ILDR2: variants seen among roughly 807,000 people sequenced by gnomAD.
ILDR2 encodes immunoglobulin-like domain-containing receptor 2.
ILDR2 carries 25 observed loss-of-function variants against 66.8 expected under a neutral mutation model. The ratio of observed to expected loss-of-function variants is 0.37; its 90% CI spans 0.27 to 0.52. The LOEUF is 0.52. ILDR2 is among the 20% of genes least tolerant of loss of function. ILDR2 has a pLI of 0.88. For synonymous variants in ILDR2, 367 were observed against 357.2 expected (o/e 1.03, Z -0.31); for missense variants, 827 against 876.8 (o/e 0.94, Z 0.72).
At chr1:166,974,694 C>T (rs544520221) in intron 1 of ILDR2, among the ~76,000 whole-genome samples, 2 of 152,216 alleles carry the variant, frequency 1.3e-5, no homozygotes, top group South Asian at 4.1e-4. Context: ...TCCCAACCTC[C>T]AGTTCCTTGC....
At chr1:166,937,938 A>G (rs1245138830) in intron 4 of ILDR2, among the ~76,000 whole-genome samples, 1 of 152,226 alleles carries the variant, frequency 6.6e-6, no homozygotes, top group African/African-American at 2.4e-5. Context: ...TGATATTTTT[A>G]TTAAATAATG....
At chr1:166,946,083 T>C (rs758201856) in intron 3 of ILDR2, among the ~76,000 whole-genome samples, 64 of 152,198 alleles carry the variant, frequency 4.2e-4, no homozygotes, top group Non-Finnish European at 7.9e-4. Flanking sequence ...AACAGATGCC[T>C]TTCTCTGGCC....
chr1:166,906,840 G>C (rs888380608), downstream of ILDR2, among the ~76,000 whole-genome samples: 1 of 152,196 alleles, frequency 6.6e-6, no homozygotes, highest in African/African-American at 2.4e-5. Flanking sequence ...TGAGAGTTCA[G>C]ATGTACCCTC....
At chr1:166,898,890 T>C (rs1439751998) in intron 2 of ILDR2, among the ~76,000 whole-genome samples, 1 of 148,596 alleles carries the variant, frequency 6.7e-6, no homozygotes, top group Admixed American at 6.7e-5. Context: ...GAAGATCCCA[T>C]CTTAAAAAAA....
At position 166,921,224 on chromosome 1, in the gene ILDR2, C is replaced by T. The variant is rs768848399; in HGVS notation, c.1367G>A (p.Arg456His). The change falls in exon 9 of 10, where the codon CGC becomes CAC. Residue 456 changes from arginine (R) to histidine (H), a missense_variant. Transcript: ENST00000271417. This position sits in a 1 kb window ranked among gnomAD's most constrained non-coding sequence, Gnocchi z 5.3. ...GNSHEARGGS[R>H]FERSESRAHS... Reference sequence around the variant, plus strand: ...CGCCCGCGACTCCGAGCGCTCGAAGCGGCTCCCGCCCCGCGCCTCGTGACT... The same window carrying T: ...CGCCCGCGACTCCGAGCGCTCGAAGTGGCTCCCGCCCCGCGCCTCGTGACT... The T allele has an allele frequency of 1.1e-5, 18 of 1,591,784 alleles. No homozygotes were observed. In the African/African-American group the frequency reaches 1.9e-4, roughly 17 times the overall value.
intron 3 of ILDR2, among the ~76,000 whole-genome samples, chr1:166,949,816 AG>A (rs1446864414): frequency 6.6e-6 from 1 of 152,228 alleles, no homozygotes; most frequent in African/African-American, 2.4e-5. Context: ...CAAGACCAGC[AG>A]AGGCATCTAG....
rs1398887349 is a variant in ILDR2 at position 166,910,492 on chromosome 1, T to A, written c.*8863A>T. 2.0e-5 allele frequency: 3 copies of A among 152,226 alleles called. No homozygotes were observed. Among genetic ancestry groups the A allele is most frequent in the African/African-American group, 7.2e-5 (3 of 41,460 alleles). The allele number at this position is 152,226 out of a possible 1,614,324, so 9.4% of individuals were successfully genotyped here. A position where few individuals can be genotyped will look rare whatever the true frequency, so the allele number is the denominator to read the frequency against. On this transcript the variant is annotated 3_prime_UTR_variant, in exon 10 of 10. Coordinates refer to ENST00000271417, the MANE Select transcript of ILDR2 (RefSeq NM_199351.3). ...ATTCATATGTAGCTTTTCCCTTAAG[T>A]AATGTGAGGCACACCTCCATCCAAT...
intron 6 of ILDR2, among the ~76,000 whole-genome samples, chr1:166,934,584 C>T (rs925142273): frequency 4.6e-5 from 7 of 152,174 alleles, no homozygotes; most frequent in Non-Finnish European, 1.0e-4. Flanking sequence ...CACACCAAGC[C>T]CCAGATCTTC....
Position 166,909,748 on chromosome 1 carries a change from T to C in ILDR2, c.*9607A>G, listed in dbSNP as rs1659424584. Reference sequence around the variant, plus strand: ...GTGTGTATACATACATATATATATATATATATATATAAATATATATAAATA... The same window carrying C: ...GTGTGTATACATACATATATATATACATATATATATAAATATATATAAATA... On this transcript the variant is annotated 3_prime_UTR_variant, in exon 10 of 10. Transcript: ENST00000271417. 1 of 111,254 alleles carries C rather than the reference T, an allele frequency of 9.0e-6. No homozygotes were observed. Among genetic ancestry groups the C allele is most frequent in the South Asian group, 2.9e-4 (1 of 3,428 alleles). The allele number at this position is 111,254 out of a possible 1,614,324, so 6.9% of individuals were successfully genotyped here. A position where few individuals can be genotyped will look rare whatever the true frequency, so the allele number is the denominator to read the frequency against.
intron 9 of ILDR2, 47 bp downstream of exon 9, chr1:166,920,660 G>A (rs1659862209): frequency 1.5e-6 from 2 of 1,335,138 alleles, no homozygotes; most frequent in East Asian, 3.1e-5. Context: ...CTGCCTGGAG[G>A]CTCCCGCTCA....
rs779481297 is a variant in ILDR2 at position 166,921,275 on chromosome 1, T to C, written c.1316A>G (p.Gln439Arg). ...GTTGCCGTCTGCCCGGCGGGGCCGC[T>C]GGCCGTAGGAGTCAGCGAAGGCCGC... is the stretch of plus-strand genomic sequence containing the variant. ...ELAAFADSYGQRPRRADGNSH... is the reference protein window; with the variant it reads ...ELAAFADSYGRRPRRADGNSH... The change falls in exon 9 of 10, where the codon CAG becomes CGG. Residue 439 changes from glutamine to arginine, a missense_variant. This residue lies in a region of ILDR2 where 390 missense variants were observed against 353.6 expected (regional missense o/e 1.10). Transcript: ENST00000271417. This position sits in a 1 kb window ranked among gnomAD's most constrained non-coding sequence, Gnocchi z 5.3. 6.2e-7 allele frequency: 1 copy of C among 1,600,258 alleles called. No individual in the cohort carries two copies. Among genetic ancestry groups the C allele is most frequent in the African/African-American group, 1.3e-5 (1 of 74,740 alleles).
rs745660616 is a variant in ILDR2, at chr1:166,939,544, A to T, written c.526T>A (p.Leu176Met). Residue 176 changes from leucine to methionine, a missense_variant, in exon 4 of 10, where the codon TTG becomes ATG. Transcript: ENST00000271417. Reference sequence around the variant, plus strand: ...ATAATCTCCACAGCAAAACTGGGCAAGAGATCAGCAAGCAGCCCTGTCCTG... The same window carrying T: ...ATAATCTCCACAGCAAAACTGGGCATGAGATCAGCAAGCAGCCCTGTCCTG... ...LGRTGLLADL[L>M]PSFAVEIMPE... is the part of the protein sequence containing the mutation. 1 of 1,613,952 alleles carries T rather than the reference A, an allele frequency of 6.2e-7. No individual in the cohort carries two copies. Among genetic ancestry groups the T allele is most frequent in the East Asian group, 2.2e-5 (1 of 44,904 alleles).
At position 166,914,207 on chromosome 1, in the gene ILDR2, T is replaced by C. The variant is rs1197265865; in HGVS notation, c.*5148A>G. ...AGATTAGCATTTGAGGAATGAATGG[T>C]GCTTAGTTGGATGAAGCAGCAACAG... is the stretch of plus-strand genomic sequence containing the variant. On this transcript the variant is annotated 3_prime_UTR_variant, in exon 10 of 10. Coordinates refer to ENST00000271417, the MANE Select transcript of ILDR2 (RefSeq NM_199351.3). The C allele has an allele frequency of 6.6e-6, 1 of 152,094 alleles. No homozygotes were observed. The highest frequency in any genetic ancestry group is 1.5e-5 in the Non-Finnish European group (1 of 68,030). The allele number at this position is 152,094 out of a possible 1,614,324, so 9.4% of individuals were successfully genotyped here.
At chr1:166,932,397 G>A (rs1322673436) in intron 6 of ILDR2, among the ~76,000 whole-genome samples, 1 of 152,200 alleles carries the variant, frequency 6.6e-6, no homozygotes, top group Admixed American at 6.5e-5. Context: ...AGAGTAAAGG[G>A]ACAGGAAAGC....
Position 166,908,850 on chromosome 1 carries a change from A to G in ILDR2, c.*10505T>C, listed in dbSNP as rs1468217401. The G allele has an allele frequency of 1.3e-5, 2 of 152,228 alleles. No homozygotes were observed. Among genetic ancestry groups the G allele is most frequent in the Non-Finnish European group, 2.9e-5 (2 of 68,056 alleles). The allele number at this position is 152,228 out of a possible 1,614,324, so 9.4% of individuals were successfully genotyped here. ...AGCCTCCCTGAAGCCTTGGGTTGGAATAATACGTGTGAGGGAATTGGCAAC... is the reference window on the plus strand; with the variant it reads ...AGCCTCCCTGAAGCCTTGGGTTGGAGTAATACGTGTGAGGGAATTGGCAAC... On this transcript the variant is annotated 3_prime_UTR_variant, in exon 10 of 10. Coordinates refer to ENST00000271417, the MANE Select transcript of ILDR2 (RefSeq NM_199351.3).
intron 4 of ILDR2, among the ~76,000 whole-genome samples, chr1:166,937,733 C>T (rs1661068759): frequency 6.6e-6 from 1 of 152,202 alleles, no homozygotes; most frequent in African/African-American, 2.4e-5. Context: ...ACCCAACTTC[C>T]CCTGGAGGCC....
chr1:166,913,531 G>A lies in ILDR2; in HGVS notation c.*5824C>T, dbSNP rs1659524928. 1 of 152,082 alleles carries A rather than the reference G, an allele frequency of 6.6e-6. No individual in the cohort carries two copies. Among genetic ancestry groups the A allele is most frequent in the African/African-American group, 2.4e-5 (1 of 41,396 alleles). The allele number at this position is 152,082 out of a possible 1,614,324, so 9.4% of individuals were successfully genotyped here. ...CTCTTTTAGCCTTCCCAGAAGAAAT[G>A]AGTCAGACTAGTTACTTCATGGCCA... On this transcript the variant is annotated 3_prime_UTR_variant, in exon 10 of 10. Transcript: ENST00000271417.
chr1:166,935,252 G>C, intron 6 of ILDR2, 49 bp downstream of exon 6: 1 of 1,596,072 alleles, frequency 6.3e-7, no homozygotes, highest in Non-Finnish European at 8.6e-7. Context: ...AGGAACCACT[G>C]TGGGGGCCCG....
At chr1:166,922,254 C>T (rs997577789) in intron 8 of ILDR2, among the ~76,000 whole-genome samples, 2 of 149,994 alleles carry the variant, frequency 1.3e-5, no homozygotes, top group African/African-American at 4.9e-5. Flanking sequence ...CTGTCTCTAC[C>T]GAAAAAAACA....
Sources: gnomAD v4.1 joint callset for allele counts (sites outside exome capture counted in the v4.1 genomes callset) on GRCh38, gnomAD v4.1.1 for gene constraint, gnomAD v4.1.1 regional missense constraint, Gnocchi (gnomAD v3.1) non-coding constraint, MANE v1.5 for transcripts, NCBI Gene and HGNC (gene_info 2026-07-23, HGNC 2026-07-21) for gene names.